SHISA9: variants seen among roughly 807,000 people sequenced by gnomAD.
SHISA9 encodes protein shisa-9.
Under a neutral mutation model 38.0 loss-of-function variants are expected in SHISA9, and 13 were observed. The ratio of observed to expected loss-of-function variants is 0.34; its 90% confidence interval spans 0.22 to 0.54. The LOEUF (loss-of-function observed/expected upper bound fraction) is 0.54. SHISA9 is among the 20% of genes least tolerant of loss of function. SHISA9 has a pLI of 0.91. For missense variants in SHISA9, 538 were observed against 575.8 expected (o/e 0.93, Z 0.67); for synonymous variants, 275 against 242.0 (o/e 1.14, Z -1.27).
chr16:13,209,300 A>G lies in SHISA9; in HGVS notation c.848-3953A>G, dbSNP rs546221399. 4.0e-4 allele frequency among the ~76,000 whole-genome samples: 61 copies of G among 152,146 alleles called. No individual in the cohort carries two copies. The Middle Eastern group carries it at 0.01, about 25-fold the overall frequency. ...TTGCCCACATTTCATTTTGAGGGAG[A>G]AAGGGTTGGTTCCATATTCTTTACT... On this transcript the variant is annotated intron_variant, in intron 3 of 4. Transcript: ENST00000558583.
chr16:13,250,485 TA>T, the SHISA9 span, among the ~76,000 whole-genome samples: 3 of 152,348 alleles, frequency 2.0e-5, no homozygotes, highest in Admixed American at 1.3e-4. Context: ...GCTCTGAAAC[TA>T]GCTGTATTAT....
intron 1 of SHISA9, among the ~76,000 whole-genome samples, chr16:12,912,488 T>C (rs1022731784): frequency 2.0e-5 from 3 of 152,174 alleles, no homozygotes; most frequent in African/African-American, 7.2e-5. Context: ...ATAAAAGTGA[T>C]GGCTTCTTGC....
chr16:13,170,816 C>T (rs1318420676), intron 2 of SHISA9, among the ~76,000 whole-genome samples: 1 of 151,966 alleles, frequency 6.6e-6, no homozygotes, highest in Non-Finnish European at 1.5e-5. Flanking sequence ...GCCACCACGC[C>T]CAGCTAGTTT....
chr16:13,197,104 T>TATACACACAC (rs748572860), intron 2 of SHISA9, among the ~76,000 whole-genome samples: 61 of 106,580 alleles, frequency 5.7e-4, no homozygotes, highest in African/African-American at 1.8e-3. Context: ...TCTCTGTACA[T>TATACACACAC]ACACACACAC....
intron 2 of SHISA9, among the ~76,000 whole-genome samples, chr16:12,917,739 T>C (rs2071276480): frequency 6.6e-6 from 1 of 152,208 alleles, no homozygotes; most frequent in African/African-American, 2.4e-5. Context: ...CCAGACAATT[T>C]AAAGAATGCA....
At chr16:13,254,584 C>T in the SHISA9 span, among the ~76,000 whole-genome samples, 1 of 152,210 alleles carries the variant, frequency 6.6e-6, no homozygotes, top group Admixed American at 6.5e-5. Flanking sequence ...TGGACTTTTC[C>T]ATCCATCGTA....
chr16:13,116,113 A>G (rs1292684577), intron 2 of SHISA9, among the ~76,000 whole-genome samples: 2 of 152,188 alleles, frequency 1.3e-5, no homozygotes, highest in African/African-American at 4.8e-5. Context: ...AAGCTTGGAT[A>G]GCTCCTTACT....
chr16:13,341,532 A>G, the SHISA9 span, among the ~76,000 whole-genome samples: 47 of 152,334 alleles, frequency 3.1e-4, no homozygotes, highest in Non-Finnish European at 6.3e-4. Flanking sequence ...TCACTCTGAG[A>G]AACATAAAAG....
At position 13,020,008 on chromosome 16, in the gene SHISA9, C is replaced by A. The variant is rs1420982538; in HGVS notation, c.691+103193C>A. Among the ~76,000 whole-genome samples, 10 of 128,686 alleles carry A rather than the reference C, an allele frequency of 7.8e-5. No homozygotes were observed. In the South Asian group the frequency reaches 1.5e-3, roughly 19 times the overall value. 84.4% of individuals were successfully genotyped at this position (128,686 alleles called of 152,430 possible). A position where few individuals can be genotyped will look rare whatever the true frequency, so the allele number is the denominator to read the frequency against. ...CCTTCCTTCCTTCCTTCCTTCCTTC[C>A]TTCCCTCCTTCCTTCCTTCTCTTTC... On this transcript the variant is annotated intron_variant, in intron 2 of 4. Transcript: ENST00000558583.
chr16:12,970,140 G>C (rs1026165285), intron 2 of SHISA9, among the ~76,000 whole-genome samples: 1 of 149,380 alleles, frequency 6.7e-6, no homozygotes, highest in Non-Finnish European at 1.5e-5. Flanking sequence ...ATAGTAAAAA[G>C]AATAATAGAT....
the SHISA9 span, among the ~76,000 whole-genome samples, chr16:13,544,469 C>T: frequency 9.1e-6 from 1 of 110,068 alleles, no homozygotes; most frequent in East Asian, 2.9e-4. Flanking sequence ...GTTGTATTTC[C>T]ACTTTGCACG....
the SHISA9 span, among the ~76,000 whole-genome samples, chr16:13,444,982 CTATATATATATATATATATATATATA>C: frequency 0.17 from 18,264 of 106,298 alleles, 2,222 homozygotes; most frequent in East Asian, 0.44. Flanking sequence ...CCATGCCTAG[CTATATATATATATATATATATATATA>C]TATATATATA....
intron 2 of SHISA9, among the ~76,000 whole-genome samples, chr16:13,089,098 T>C (rs2073745739): frequency 6.6e-6 from 1 of 152,250 alleles, no homozygotes; most frequent in Non-Finnish European, 1.5e-5. Flanking sequence ...TCTGTTGATA[T>C]GATGGATTAC....
chr16:12,943,334 A>T (rs1460490102), intron 2 of SHISA9, among the ~76,000 whole-genome samples: 164 of 21,796 alleles, frequency 7.5e-3, no homozygotes, highest in South Asian at 0.011. Flanking sequence ...TGTGTGTGAG[A>T]GAGAGAGAGA....
intron 2 of SHISA9, among the ~76,000 whole-genome samples, chr16:13,018,464 C>G (rs560356695): frequency 6.6e-6 from 1 of 152,348 alleles, no homozygotes; most frequent in Non-Finnish European, 1.5e-5. Flanking sequence ...GCCCAGCACC[C>G]AAATCCTCCA....
intron 2 of SHISA9, among the ~76,000 whole-genome samples, chr16:13,094,246 A>G (rs1049130942): frequency 1.3e-5 from 2 of 152,174 alleles, no homozygotes; most frequent in African/African-American, 4.8e-5. Context: ...CCCCACCTCG[A>G]AACTGCATAA....
At chr16:13,389,240 A>G in the SHISA9 span, among the ~76,000 whole-genome samples, 1 of 152,138 alleles carries the variant, frequency 6.6e-6, no homozygotes, top group Non-Finnish European at 1.5e-5. Context: ...CCCTCCTGCT[A>G]TCCTCTGGCA....
At chr16:13,358,394 C>G in the SHISA9 span, among the ~76,000 whole-genome samples, 1 of 152,106 alleles carries the variant, frequency 6.6e-6, no homozygotes, top group East Asian at 1.9e-4. Flanking sequence ...TCCCCCACCC[C>G]CCAACAGGCT....
At chr16:13,426,787 T>A in the SHISA9 span, among the ~76,000 whole-genome samples, 3 of 152,230 alleles carry the variant, frequency 2.0e-5, no homozygotes, top group African/African-American at 7.2e-5. Context: ...GACATCATCC[T>A]CACCTCGCAG....
Sources: allele counts gnomAD v4.1 joint callset (sites outside exome capture counted in the v4.1 genomes callset), GRCh38; gene constraint gnomAD v4.1.1; transcripts MANE v1.5; gene names NCBI Gene and HGNC (gene_info 2026-07-23, HGNC 2026-07-21).